The following PALM variants were observed in gnomAD, a reference collection of about 807,000 sequenced individuals.
PALM encodes paralemmin.
In PALM, 18 loss-of-function variants were observed where a neutral mutation model predicts 30.7. The observed-to-expected ratio is 0.59, with a 90% CI of 0.41 to 0.87. The LOEUF is 0.87. Ranked by LOEUF, PALM falls within the 40% of genes least tolerant of loss-of-function variation. The pLI is 0.00. For synonymous variants in PALM, 286 were observed against 242.8 expected, an observed-to-expected ratio of 1.18 and a Z score of -1.66; for missense variants, 529 against 555.4, an observed-to-expected ratio of 0.95 and a Z score of 0.48.
At chr19:744,048 A>G (rs1387899115) in intron 8 of PALM, among the ~76,000 whole-genome samples, 1 of 152,190 alleles carries the variant, frequency 6.6e-6, no homozygotes, top group Non-Finnish European at 1.5e-5. Context: ...CTCTAAATAA[A>G]TTGTGGCTTC....
chr19:715,780 C>G (rs8106877), intron 1 of PALM, among the ~76,000 whole-genome samples: 129,938 of 151,952 alleles, frequency 0.86, 55,667 homozygotes, highest in East Asian at 0.92. Flanking sequence ...GGGCAGCATG[C>G]AGAGAAATGG....
chr19:718,126 G>A (rs1375622058), intron 1 of PALM, among the ~76,000 whole-genome samples: 3 of 152,140 alleles, frequency 2.0e-5, no homozygotes, highest in South Asian at 2.1e-4. Flanking sequence ...AGGTTGCAGC[G>A]AGCCGAGATC....
intron 5 of PALM, 142 bp from the exon 6 acceptor site, chr19:734,031 G>A: frequency 1.4e-6 from 1 of 699,856 alleles, no homozygotes; most frequent in Non-Finnish European, 2.5e-6. Context: ...TCTGGCCAGA[G>A]TCCCAAGAGG....
At position 717,292 on chromosome 19, in the gene PALM, C is replaced by T. The variant is rs117145370; in HGVS notation, c.5+8141C>T. Among the ~76,000 whole-genome samples, 3 of 152,256 alleles carry T rather than the reference C, an allele frequency of 2.0e-5. No homozygotes were observed. In the East Asian group the frequency reaches 5.8e-4, roughly 29 times the overall value. On this transcript the variant is annotated intron_variant, in intron 1 of 8. Coordinates refer to ENST00000338448, the MANE Select transcript of PALM (RefSeq NM_002579.3). Reference sequence around the variant, plus strand: ...TCACCCCCAAAACAAGCCCTGTCCCCATTAGGCATCCCCTCCCGTCCCCCT... The same window carrying T: ...TCACCCCCAAAACAAGCCCTGTCCCTATTAGGCATCCCCTCCCGTCCCCCT...
At position 746,699 on chromosome 19, in the gene PALM, C is replaced by T; in HGVS notation, c.1049C>T (p.Pro350Leu). The part of the protein sequence containing the change: ...PAPPNGSAAE[P>L]PTEAASREEN... Reference sequence around the variant, plus strand: ...CCACCCAACGGCAGTGCTGCCGAGCCTCCCACGGAGGCCGCCTCCAGGGAA... The same window carrying T: ...CCACCCAACGGCAGTGCTGCCGAGCTTCCCACGGAGGCCGCCTCCAGGGAA... The change falls in exon 9 of 9, where the codon CCT becomes CTT. Residue 350 changes from proline to leucine, a missense_variant. Coordinates refer to ENST00000338448, the MANE Select transcript of PALM (RefSeq NM_002579.3). The surrounding 1 kb of genome is among the most constrained non-coding windows in gnomAD (Gnocchi z 7.1). 1 of 1,609,744 alleles carries T rather than the reference C, an allele frequency of 6.2e-7. No individual in the cohort carries two copies. The highest frequency in any genetic ancestry group is 1.7e-4 in the Middle Eastern group (1 of 6,052).
chr19:730,224 C>T (rs914541224), intron 4 of PALM, among the ~76,000 whole-genome samples: 8 of 152,186 alleles, frequency 5.3e-5, no homozygotes, highest in African/African-American at 1.7e-4. Context: ...CTGGACCCCT[C>T]TTCTGGTTGG....
In PALM at chr19:734,187, G is replaced by C. The variant is rs754375608; in HGVS notation, c.435G>C (p.Thr145=). The stretch of plus-strand genomic sequence containing the variant: ...CTTTCTTGCAGACGCCGGTGGGCAC[G>C]CCCAAAGGTAGGACCTCTGGAAGGA... ...VMNSQQTPVG[T]PKDKRVSNTP... Residue 145 remains threonine (T), a synonymous_variant, in exon 6 of 9, where the codon ACG becomes ACC. Transcript: ENST00000338448. 6.2e-7 allele frequency: 1 copy of C among 1,613,696 alleles called. No homozygotes were observed. Among genetic ancestry groups the C allele is most frequent in the South Asian group, 1.1e-5 (1 of 91,062 alleles).
chr19:711,664 G>A (rs903020174), intron 1 of PALM, among the ~76,000 whole-genome samples: 4 of 152,152 alleles, frequency 2.6e-5, no homozygotes, highest in Admixed American at 6.5e-5. Context: ...TGTTTGTGGC[G>A]GTGGCTTCTG....
Position 726,921 on chromosome 19 carries a change from A to G in PALM, c.58-87A>G, listed in dbSNP as rs1599148605. The stretch of plus-strand genomic sequence containing the variant: ...AGGATCCCCGGACAGAGGAAGCAGG[A>G]TCGGGCTGGGCAGAGCCTTGTGTGG... On this transcript the variant is annotated intron_variant, in intron 2 of 8. Coordinates refer to ENST00000338448, the MANE Select transcript of PALM (RefSeq NM_002579.3). 3.7e-6 allele frequency: 3 copies of G among 804,346 alleles called. No individual in the cohort carries two copies. The East Asian group carries it at 8.6e-5, about 23-fold the overall frequency. The allele number at this position is 804,346 out of a possible 1,614,324, so 49.8% of individuals were successfully genotyped here.
At chr19:726,751 C>A (rs1353007843) in intron 2 of PALM, among the ~76,000 whole-genome samples, 1 of 152,246 alleles carries the variant, frequency 6.6e-6, no homozygotes, top group Admixed American at 6.5e-5. Context: ...GATCCTCCCG[C>A]CTTGGCCTCC....
chr19:721,725 G>A (rs2032489595), intron 1 of PALM, among the ~76,000 whole-genome samples: 1 of 151,776 alleles, frequency 6.6e-6, no homozygotes, highest in Admixed American at 6.6e-5. Context: ...AGCCTCCTGA[G>A]TAGCTGGGAT....
intron 8 of PALM, among the ~76,000 whole-genome samples, chr19:740,868 C>T (rs1390763742): frequency 3.9e-5 from 6 of 151,952 alleles, no homozygotes; most frequent in African/African-American, 7.3e-5. Flanking sequence ...CAAGGGCTCA[C>T]GCCTTTAGTC....
chr19:710,119 C>G (rs1415936942), intron 1 of PALM, among the ~76,000 whole-genome samples: 1 of 152,178 alleles, frequency 6.6e-6, no homozygotes, highest in Non-Finnish European at 1.5e-5. Flanking sequence ...GCCCGGGTCC[C>G]CACCCCAGCC....
rs149211223 is a variant in PALM, at chr19:715,405, C to T, written c.5+6254C>T. 8.7e-4 allele frequency among the ~76,000 whole-genome samples: 132 copies of T among 152,310 alleles called. 2 individuals carry two copies. The highest frequency in any genetic ancestry group is 6.6e-3 in the East Asian group (34 of 5,182). On this transcript the variant is annotated intron_variant, in intron 1 of 8. Coordinates refer to ENST00000338448, the MANE Select transcript of PALM (RefSeq NM_002579.3). ...CCCTCCTCACCATCCTCGTGCTGTG[C>T]GGGATCAGCAGGGTCTGGAAAGCTA...
intron 1 of PALM, among the ~76,000 whole-genome samples, chr19:717,506 T>C (rs772058280): frequency 3.3e-5 from 5 of 152,172 alleles, no homozygotes; most frequent in African/African-American, 4.8e-5. Flanking sequence ...GGCTGAGTCA[T>C]GTCCCAGTGC....
At chr19:738,713 T>C (rs2033098022) in intron 7 of PALM, among the ~76,000 whole-genome samples, 1 of 152,014 alleles carries the variant, frequency 6.6e-6, no homozygotes, top group Non-Finnish European at 1.5e-5. Context: ...GCCGAGTGCC[T>C]GGGCGAGGTC....
chr19:734,957 A>C, intron 6 of PALM: 1 of 477,842 alleles, frequency 2.1e-6, no homozygotes, highest in Non-Finnish European at 2.7e-6. Context: ...TCATAAGGAG[A>C]GTGTCTTCTT....
intron 1 of PALM, among the ~76,000 whole-genome samples, chr19:717,563 C>T (rs928137846): frequency 5.9e-5 from 9 of 152,158 alleles, no homozygotes; most frequent in South Asian, 2.1e-4. Flanking sequence ...GATGGACACC[C>T]GGGTTGGTTT....
intron 1 of PALM, among the ~76,000 whole-genome samples, chr19:712,922 C>T (rs1344165661): frequency 1.3e-5 from 2 of 152,112 alleles, no homozygotes; most frequent in Non-Finnish European, 2.9e-5. Flanking sequence ...GTGATCCGCC[C>T]AGCTGGGCCT....
Sources: gnomAD v4.1 joint callset for allele counts (sites outside exome capture counted in the v4.1 genomes callset) on GRCh38, gnomAD v4.1.1 for gene constraint, Gnocchi (gnomAD v3.1) non-coding constraint, MANE v1.5 for transcripts, NCBI Gene and HGNC (gene_info 2026-07-23, HGNC 2026-07-21) for gene names.